The following CELF1 variants were observed in gnomAD, a reference collection of about 807,000 sequenced individuals.
CELF1 encodes CUGBP Elav-like family member 1.
CELF1 carries 10 observed loss-of-function variants against 61.8 expected under a neutral mutation model. The ratio of observed to expected loss-of-function variants is 0.16; its 90% CI spans 0.10 to 0.27. The LOEUF (loss-of-function observed/expected upper bound fraction) is 0.27. Ranked by LOEUF, CELF1 falls within the 10% of genes least tolerant of loss-of-function variation. The probability of loss-of-function intolerance (pLI) is 1.00; values close to 1 mark genes in which losing one functional copy is unlikely to be tolerated. For missense variants in CELF1, 380 were observed against 639.1 expected (o/e 0.59, Z 4.37); for synonymous variants, 236 against 225.1 (o/e 1.05, Z -0.43).
intron 1 of CELF1, among the ~76,000 whole-genome samples, chr11:47,538,937 G>T (rs1367186392): frequency 6.6e-6 from 1 of 152,106 alleles, no homozygotes; most frequent in Non-Finnish European, 1.5e-5. Flanking sequence ...CCATCAACTG[G>T]GCACACAGCC....
chr11:47,547,365 G>C (rs1487010793), intron 1 of CELF1, among the ~76,000 whole-genome samples: 1 of 152,092 alleles, frequency 6.6e-6, no homozygotes, highest in African/African-American at 2.4e-5. Flanking sequence ...ACCTCAAGAA[G>C]TAAAGGAACA....
rs914232919 is a variant in CELF1, at chr11:47,504,681, C to A, written c.-153-3749G>T. Among the ~76,000 whole-genome samples the A allele has an allele frequency of 1.3e-4, 20 of 151,342 alleles. 1 individual carries two copies. Among genetic ancestry groups the A allele is most frequent in the Admixed American group, 1.1e-3 (17 of 15,110 alleles). On this transcript the variant is annotated intron_variant, in intron 1 of 14. Coordinates refer to ENST00000687097, the MANE Select transcript of CELF1 (RefSeq NM_001376376.1). ...CTTTGGAAGGCCGAGGTGAGCAGAT[C>A]ACCTAAGGTCAGGAGTTCTAGACCA...
At chr11:47,504,758 C>T (rs1010924426) in intron 1 of CELF1, among the ~76,000 whole-genome samples, 2 of 150,298 alleles carry the variant, frequency 1.3e-5, no homozygotes, top group South Asian at 2.1e-4. Context: ...AAAAATTAGC[C>T]GGATGTGGTG....
At chr11:47,518,508 G>A (rs1442021187) in intron 1 of CELF1, among the ~76,000 whole-genome samples, 1 of 152,154 alleles carries the variant, frequency 6.6e-6, no homozygotes, top group Non-Finnish European at 1.5e-5. Flanking sequence ...AGTTTAAACA[G>A]AAAAACCCTA....
intron 1 of CELF1, among the ~76,000 whole-genome samples, chr11:47,503,623 A>G (rs932305711): frequency 4.6e-5 from 7 of 152,220 alleles, no homozygotes; most frequent in South Asian, 2.1e-4. Flanking sequence ...CCCAAGTTTC[A>G]TAAGAGAGAA....
At chr11:47,473,902 TTTTTTTTTCTTTC>T (rs1185933361) in intron 13 of CELF1, among the ~76,000 whole-genome samples, 3 of 90,576 alleles carry the variant, frequency 3.3e-5, no homozygotes, top group Non-Finnish European at 4.0e-5. Flanking sequence ...AATGATTTTC[TTTTTTTTTCTTTC>T]TTTTTTTTTG....
At chr11:47,493,339 T>TAAAA (rs11458910) in intron 3 of CELF1, among the ~76,000 whole-genome samples, 3 of 127,978 alleles carry the variant, frequency 2.3e-5, no homozygotes, top group Non-Finnish European at 4.8e-5. Flanking sequence ...CGTCCCTACT[T>TAAAA]AAAAAAAAAA....
chr11:47,483,421 G>C, intron 8 of CELF1, 32 bp downstream of exon 8: 1 of 1,575,434 alleles, frequency 6.3e-7, no homozygotes, highest in South Asian at 1.1e-5. Context: ...CCCAAGCTGA[G>C]GAATTTTCCC....
intron 1 of CELF1, among the ~76,000 whole-genome samples, chr11:47,527,463 C>A (rs2096286508): frequency 6.6e-6 from 1 of 151,946 alleles, no homozygotes; most frequent in Admixed American, 6.6e-5. Context: ...AGTGTTTCAC[C>A]CCTGTAATCC....
intron 1 of CELF1, among the ~76,000 whole-genome samples, chr11:47,541,726 GAAC>G (rs1565904464): frequency 2.7e-4 from 2 of 7,310 alleles, no homozygotes; most frequent in Non-Finnish European, 3.6e-4. Flanking sequence ...AAGAAAGAAA[GAAC>G]GAAAGAAAGA....
intron 1 of CELF1, among the ~76,000 whole-genome samples, chr11:47,506,653 T>C (rs1280287736): frequency 6.6e-6 from 1 of 152,008 alleles, no homozygotes; most frequent in African/African-American, 2.4e-5. Flanking sequence ...CCTTGGAAAA[T>C]AGCTAAGGAG....
chr11:47,528,803 T>C (rs1050899739), intron 1 of CELF1, among the ~76,000 whole-genome samples: 5 of 150,274 alleles, frequency 3.3e-5, no homozygotes, highest in Admixed American at 3.3e-4. Context: ...GGCAGGAGGA[T>C]CATTTTGATT....
chr11:47,485,482 C>T (rs568855399), intron 6 of CELF1, among the ~76,000 whole-genome samples: 1 of 152,298 alleles, frequency 6.6e-6, no homozygotes, highest in South Asian at 2.1e-4. Context: ...GCATTGTTTG[C>T]TCTTACTGGC....
chr11:47,497,507 ATC>A (rs1375500281), intron 3 of CELF1, among the ~76,000 whole-genome samples: 3 of 152,204 alleles, frequency 2.0e-5, no homozygotes, highest in Admixed American at 2.0e-4. Flanking sequence ...TTTGTCCTCA[ATC>A]TCTCTCTCAA....
chr11:47,552,111 C>G (rs2097153378), intron 1 of CELF1, among the ~76,000 whole-genome samples: 1 of 151,814 alleles, frequency 6.6e-6, no homozygotes, highest in Non-Finnish European at 1.5e-5. Context: ...CTCTTTAAAA[C>G]TGTTATACAG....
chr11:47,495,442 T>C (rs775874897), intron 3 of CELF1, among the ~76,000 whole-genome samples: 17 of 152,186 alleles, frequency 1.1e-4, no homozygotes, highest in Non-Finnish European at 1.8e-4. Flanking sequence ...ACAGGGTTTC[T>C]TTTAAGGGTG....
At chr11:47,510,341 C>T (rs2095018528) in intron 1 of CELF1, among the ~76,000 whole-genome samples, 1 of 152,124 alleles carries the variant, frequency 6.6e-6, no homozygotes, top group Non-Finnish European at 1.5e-5. Context: ...TTGTCTTTCC[C>T]AGGATGACTG....
At chr11:47,537,586 G>C (rs758343860) in intron 1 of CELF1, among the ~76,000 whole-genome samples, 12 of 151,982 alleles carry the variant, frequency 7.9e-5, no homozygotes, top group Non-Finnish European at 1.5e-4. Flanking sequence ...TTGATGGAAA[G>C]CTGCTTACAT....
intron 2 of CELF1, 142 bp from the exon 3 acceptor site, chr11:47,499,746 C>T: frequency 1.8e-6 from 1 of 555,402 alleles, no homozygotes; most frequent in Non-Finnish European, 3.2e-6. Context: ...TGAAGGGAGG[C>T]TCAGCCCAGC....
Sources: allele counts gnomAD v4.1 joint callset (sites outside exome capture counted in the v4.1 genomes callset), GRCh38; gene constraint gnomAD v4.1.1; transcripts MANE v1.5; gene names NCBI Gene and HGNC (gene_info 2026-07-23, HGNC 2026-07-21).